The following ACBD3 variants were observed in gnomAD, a reference collection of about 807,000 sequenced individuals.
ACBD3 encodes the protein Golgi resident protein GCP60.
In ACBD3, 30 loss-of-function variants were observed where a neutral mutation model predicts 66.9. That is an observed-to-expected ratio of 0.45 (90% CI 0.34 to 0.61). The LOEUF is 0.61. Among genes scored for constraint, ACBD3 ranks in the 20% least tolerant of loss-of-function variants. The pLI is 0.02. For synonymous variants in ACBD3, 278 were observed against 259.8 expected, an observed-to-expected ratio of 1.07 and a Z score of -0.68; for missense variants, 544 against 664.5, an observed-to-expected ratio of 0.82 and a Z score of 1.99.
chr1:226,150,143 C>T (rs922853417), intron 7 of ACBD3, among the ~76,000 whole-genome samples: 6 of 149,552 alleles, frequency 4.0e-5, no homozygotes, highest in Non-Finnish European at 7.4e-5. Context: ...ACTACAGCCT[C>T]GAATTCCTGG....
At chr1:226,186,250 G>T in intron 1 of ACBD3, 140 bp downstream of exon 1, 1 of 1,146,500 alleles carries the variant, frequency 8.7e-7, no homozygotes, top group East Asian at 3.2e-5. Context: ...GTACCCCCAA[G>T]GAGGGAACCC....
At chr1:226,153,964 T>C (rs1659623605) in intron 6 of ACBD3, among the ~76,000 whole-genome samples, 1 of 152,120 alleles carries the variant, frequency 6.6e-6, no homozygotes, top group Admixed American at 6.5e-5. Flanking sequence ...TTGAGGACCC[T>C]CAAGAAGCCC....
chr1:226,158,657 T>C lies in ACBD3; in HGVS notation c.903+527A>G, dbSNP rs571411093. ...CTTTCACCTAAACCAACCTCTCCTATGTGGAAGCAAAATACTTGGGGGCAG... is the reference window on the plus strand; with the variant it reads ...CTTTCACCTAAACCAACCTCTCCTACGTGGAAGCAAAATACTTGGGGGCAG... On this transcript the variant is annotated intron_variant, in intron 5 of 7. Coordinates refer to ENST00000366812, the MANE Select transcript of ACBD3 (RefSeq NM_022735.4). Among the ~76,000 whole-genome samples, 77 of 152,312 alleles carry C rather than the reference T, an allele frequency of 5.1e-4. 2 individuals are homozygous for C. The South Asian group carries it at 0.016, about 31-fold the overall frequency.
At chr1:226,180,447 C>T (rs555791485) in intron 1 of ACBD3, among the ~76,000 whole-genome samples, 50 of 152,200 alleles carry the variant, frequency 3.3e-4, no homozygotes, top group Non-Finnish European at 6.8e-4. Context: ...CAGGAAAGCA[C>T]AAAAAGTTAA....
In ACBD3 at chr1:226,186,722, T is replaced by G. The variant is rs987539143; in HGVS notation, c.-47A>C. On this transcript the variant is annotated 5_prime_UTR_variant, in exon 1 of 8. Coordinates refer to ENST00000366812, the MANE Select transcript of ACBD3 (RefSeq NM_022735.4). ...AGCGGGGACAGACGGCAGCCACGTA[T>G]CGACTTCCTGCTGACCTCTGACCTC... 9 of 1,435,036 alleles carry G rather than the reference T, an allele frequency of 6.3e-6. No individual in the cohort carries two copies. Among genetic ancestry groups the G allele is most frequent in the Non-Finnish European group, 8.2e-6 (9 of 1,097,442 alleles). The allele number at this position is 1,435,036 out of a possible 1,614,324, so 88.9% of individuals were successfully genotyped here. A position where few individuals can be genotyped will look rare whatever the true frequency, so the allele number is the denominator to read the frequency against.
At chr1:226,174,248 A>G (rs1655967772) in intron 1 of ACBD3, among the ~76,000 whole-genome samples, 1 of 152,164 alleles carries the variant, frequency 6.6e-6, no homozygotes, top group Non-Finnish European at 1.5e-5. Flanking sequence ...CACAAGCATC[A>G]TCCTCGGCTC....
chr1:226,163,931 G>A (rs1415114094), intron 3 of ACBD3, among the ~76,000 whole-genome samples: 1 of 151,866 alleles, frequency 6.6e-6, no homozygotes, highest in Non-Finnish European at 1.5e-5. Flanking sequence ...GACCAGCCTG[G>A]CCAACATAGT....
At chr1:226,172,237 T>A (rs965666233) in intron 1 of ACBD3, among the ~76,000 whole-genome samples, 3 of 151,468 alleles carry the variant, frequency 2.0e-5, no homozygotes, top group African/African-American at 7.3e-5. Context: ...TGAACTTCAG[T>A]GCTTAAGCCT....
chr1:226,158,721 CTGCCTAACTATGG>C (rs1163249722), intron 5 of ACBD3, among the ~76,000 whole-genome samples: 1 of 152,246 alleles, frequency 6.6e-6, no homozygotes. Context: ...GTTATGAGCA[CTGCCTAACTATGG>C]TGCCTAACAC....
chr1:226,155,538 A>G (rs1424991854), intron 5 of ACBD3, among the ~76,000 whole-genome samples: 2 of 152,208 alleles, frequency 1.3e-5, no homozygotes, highest in Non-Finnish European at 2.9e-5. Flanking sequence ...AACTTTAAAT[A>G]CACAAAATTT....
chr1:226,168,883 G>C (rs1558128519), intron 1 of ACBD3, among the ~76,000 whole-genome samples: 1 of 152,204 alleles, frequency 6.6e-6, no homozygotes, highest in Non-Finnish European at 1.5e-5. Flanking sequence ...ATTTGAGACG[G>C]AGTCTCGCTC....
intron 1 of ACBD3, among the ~76,000 whole-genome samples, chr1:226,174,958 G>A (rs1448680258): frequency 6.6e-6 from 1 of 151,628 alleles, no homozygotes; most frequent in Non-Finnish European, 1.5e-5. Flanking sequence ...AGCCCGGCAT[G>A]GTGGCATGCA....
chr1:226,161,397 A>T, intron 4 of ACBD3, 134 bp downstream of exon 4: 1 of 1,219,532 alleles, frequency 8.2e-7, no homozygotes, highest in Non-Finnish European at 1.1e-6. Context: ...ACCTCAGGTG[A>T]TCTGCCCGCC....
chr1:226,177,680 C>T (rs1230245837), intron 1 of ACBD3, among the ~76,000 whole-genome samples: 1 of 151,972 alleles, frequency 6.6e-6, no homozygotes, highest in Non-Finnish European at 1.5e-5. Context: ...TTGTCCGGTA[C>T]ACGTTAGGGC....
At chr1:226,168,981 G>C (rs987355527) in intron 1 of ACBD3, among the ~76,000 whole-genome samples, 4 of 151,990 alleles carry the variant, frequency 2.6e-5, no homozygotes, top group Admixed American at 6.6e-5. Flanking sequence ...TCCTGCCTCA[G>C]CCTCCCAAGT....
intron 1 of ACBD3, among the ~76,000 whole-genome samples, chr1:226,176,487 G>C (rs2102788912): frequency 6.7e-6 from 1 of 149,652 alleles, no homozygotes; most frequent in South Asian, 2.1e-4. Context: ...AAGCCCTGCT[G>C]ACACCTTGAT....
At chr1:226,149,229 ATTT>A (rs530087804) in intron 7 of ACBD3, among the ~76,000 whole-genome samples, 1 of 144,346 alleles carries the variant, frequency 6.9e-6, no homozygotes, top group Non-Finnish European at 1.5e-5. Flanking sequence ...AAGCTCTTTC[ATTT>A]TTTTTTTTTT....
chr1:226,157,175 TTTCTC>T (rs1194355077), intron 5 of ACBD3, among the ~76,000 whole-genome samples: 23 of 152,324 alleles, frequency 1.5e-4, no homozygotes, highest in African/African-American at 5.1e-4. Context: ...TCTCTTTCCT[TTTCTC>T]TTCTCAGAAG....
intron 1 of ACBD3, among the ~76,000 whole-genome samples, chr1:226,182,315 C>T (rs148964678): frequency 1.3e-5 from 2 of 151,994 alleles, no homozygotes; most frequent in African/African-American, 4.8e-5. Context: ...ACAAAAAGGC[C>T]GAACTATTAA....
Sources: gnomAD v4.1 joint callset for allele counts (sites outside exome capture counted in the v4.1 genomes callset) on GRCh38, gnomAD v4.1.1 for gene constraint, MANE v1.5 for transcripts, NCBI Gene and HGNC (gene_info 2026-07-23, HGNC 2026-07-21) for gene names.